Variants in FHIT observed in about 807,000 individuals in gnomAD.
FHIT encodes bis(5'-adenosyl)-triphosphatase.
FHIT carries 19 observed loss-of-function variants against 17.9 expected under a neutral mutation model. That is an observed-to-expected ratio of 1.06 (90% confidence interval 0.74 to 1.56). The LOEUF (loss-of-function observed/expected upper bound fraction) is 1.56, where lower values mean the gene tolerates loss of function less well. Ranked by LOEUF, FHIT falls within the 40% of genes most tolerant of loss-of-function variation. The probability of loss-of-function intolerance (pLI) is 0.00; values close to 1 mark genes in which losing one functional copy is unlikely to be tolerated. For synonymous variants in FHIT, 81 were observed against 69.7 expected, an observed-to-expected ratio of 1.16 and a Z score of -0.81; for missense variants, 248 against 189.2, an observed-to-expected ratio of 1.31 and a Z score of -1.82.
At chr3:60,403,406 A>T (rs370413193) in intron 5 of FHIT, among the ~76,000 whole-genome samples, 6 of 152,300 alleles carry the variant, frequency 3.9e-5, no homozygotes, top group South Asian at 4.1e-4. Context: ...CGCTGCTGTC[A>T]GGGCTCAGAA....
chr3:60,288,889 C>T (rs139759005), intron 5 of FHIT, among the ~76,000 whole-genome samples: 1 of 152,028 alleles, frequency 6.6e-6, no homozygotes, highest in Non-Finnish European at 1.5e-5. Context: ...CATATAATAA[C>T]TGAAATATGA....
At chr3:61,213,850 T>C (rs1028580928) in intron 1 of FHIT, among the ~76,000 whole-genome samples, 4 of 152,064 alleles carry the variant, frequency 2.6e-5, no homozygotes, top group Non-Finnish European at 5.9e-5. Flanking sequence ...GGATTAAGAA[T>C]CTCACTCAAA....
At chr3:60,664,242 T>C (rs2040329799) in intron 4 of FHIT, among the ~76,000 whole-genome samples, 1 of 152,192 alleles carries the variant, frequency 6.6e-6, no homozygotes. Context: ...TCAATGAATT[T>C]TCTTCTGTAG....
intron 7 of FHIT, among the ~76,000 whole-genome samples, chr3:59,923,972 C>T (rs750510811): frequency 6.6e-6 from 1 of 152,146 alleles, no homozygotes; most frequent in Non-Finnish European, 1.5e-5. Context: ...AAGCCAGTCA[C>T]GGATCTCTCA....
chr3:61,130,171 A>C (rs2036723115), intron 2 of FHIT, among the ~76,000 whole-genome samples: 1 of 152,222 alleles, frequency 6.6e-6, no homozygotes, highest in South Asian at 2.1e-4. Context: ...AATGCAAGTC[A>C]TAAAAAAGGT....
At chr3:60,824,440 G>A (rs1281347850) in intron 3 of FHIT, among the ~76,000 whole-genome samples, 1 of 152,040 alleles carries the variant, frequency 6.6e-6, no homozygotes, top group South Asian at 2.1e-4. Context: ...ATTAGCAACA[G>A]GTTTAACAGA....
intron 5 of FHIT, among the ~76,000 whole-genome samples, chr3:60,331,848 G>GAA (rs34970290): frequency 0.014 from 2,042 of 140,982 alleles, 40 homozygotes; most frequent in African/African-American, 0.049. Context: ...CTCTGTCTCG[G>GAA]AAAAAAAAAA....
rs186863585 is a variant in FHIT at position 59,852,563 on chromosome 3, C to A, written c.348+69783G>T. Reference sequence around the variant, plus strand: ...TCCATAGTTTACAAGAGGATTCAGTCTTGGTGTTGTACATTCTATGGGTTT... The same window carrying A: ...TCCATAGTTTACAAGAGGATTCAGTATTGGTGTTGTACATTCTATGGGTTT... On this transcript the variant is annotated intron_variant, in intron 8 of 9. Coordinates refer to ENST00000492590, the MANE Select transcript of FHIT (RefSeq NM_002012.4). 1.3e-4 allele frequency among the ~76,000 whole-genome samples: 20 copies of A among 152,258 alleles called. 1 individual carries two copies. The East Asian group carries it at 3.9e-3, about 29-fold the overall frequency.
intron 2 of FHIT, among the ~76,000 whole-genome samples, chr3:61,108,983 G>A (rs181435995): frequency 4.0e-4 from 61 of 152,320 alleles, no homozygotes; most frequent in Admixed American, 2.0e-3. Context: ...TGCCATCATA[G>A]AGTGCAAAGT....
chr3:60,454,537 A>G (rs2031964268), intron 5 of FHIT, among the ~76,000 whole-genome samples: 1 of 151,884 alleles, frequency 6.6e-6, no homozygotes, highest in Non-Finnish European at 1.5e-5. Flanking sequence ...GGCACCTGCC[A>G]CCACACCCGG....
intron 5 of FHIT, among the ~76,000 whole-genome samples, chr3:60,256,903 G>A (rs538608884): frequency 2.0e-5 from 3 of 152,142 alleles, no homozygotes; most frequent in Admixed American, 6.6e-5. Context: ...TGGAACCTAC[G>A]CAATGTCTAG....
chr3:60,571,192 C>T (rs980125589), intron 4 of FHIT, among the ~76,000 whole-genome samples: 7 of 151,488 alleles, frequency 4.6e-5, no homozygotes, highest in African/African-American at 1.7e-4. Flanking sequence ...AAAAATTAGC[C>T]AGGCTTGGTG....
intron 8 of FHIT, among the ~76,000 whole-genome samples, chr3:59,904,203 C>A (rs1323848809): frequency 2.1e-4 from 20 of 96,886 alleles, no homozygotes; most frequent in African/African-American, 4.3e-4. Context: ...ACAAAAGGAA[C>A]AATAATAACC....
At chr3:60,458,069 C>T (rs1484862800) in intron 5 of FHIT, among the ~76,000 whole-genome samples, 1 of 152,132 alleles carries the variant, frequency 6.6e-6, no homozygotes, top group East Asian at 1.9e-4. Context: ...TTGACCCAGC[C>T]ATCCCATTAC....
intron 5 of FHIT, among the ~76,000 whole-genome samples, chr3:60,225,678 G>A (rs755901639): frequency 1.3e-5 from 2 of 152,148 alleles, no homozygotes; most frequent in Non-Finnish European, 2.9e-5. Context: ...TTAAATACCA[G>A]AGCAACAGTA....
At chr3:60,094,222 T>C (rs1576084427) in intron 5 of FHIT, among the ~76,000 whole-genome samples, 1 of 152,290 alleles carries the variant, frequency 6.6e-6, no homozygotes, top group East Asian at 1.9e-4. Flanking sequence ...TGACAAATGA[T>C]ATCTAATGCA....
intron 4 of FHIT, among the ~76,000 whole-genome samples, chr3:60,547,176 ATCTT>A (rs2036395170): frequency 6.6e-6 from 1 of 152,220 alleles, no homozygotes; most frequent in African/African-American, 2.4e-5. Context: ...AAATTGCTGA[ATCTT>A]TCTACCAAAT....
chr3:60,480,233 C>T (rs865810304), intron 5 of FHIT, among the ~76,000 whole-genome samples: 9 of 152,242 alleles, frequency 5.9e-5, no homozygotes, highest in Middle Eastern at 3.4e-3. Flanking sequence ...CCCTCACTAT[C>T]ATGAGAACAG....
chr3:60,473,595 G>T (rs550614165), intron 5 of FHIT, among the ~76,000 whole-genome samples: 1 of 152,240 alleles, frequency 6.6e-6, no homozygotes, highest in East Asian at 1.9e-4. Context: ...ATTTTCTTTG[G>T]AAATACTGAT....
Sources: gnomAD v4.1 joint callset for allele counts (sites outside exome capture counted in the v4.1 genomes callset) on GRCh38, gnomAD v4.1.1 for gene constraint, MANE v1.5 for transcripts, NCBI Gene and HGNC (gene_info 2026-07-23, HGNC 2026-07-21) for gene names.